The following C17orf67 variants were observed in gnomAD, a reference collection of about 807,000 sequenced individuals.
C17orf67 encodes the protein uncharacterized protein C17orf67.
In C17orf67, 12 loss-of-function variants were observed where a neutral mutation model predicts 11.2. The ratio of observed to expected loss-of-function variants is 1.07; its 90% CI spans 0.68 to 1.73. The LOEUF (loss-of-function observed/expected upper bound fraction) is 1.73. C17orf67 is among the 40% of genes most tolerant of loss of function. C17orf67 has a pLI of 0.00. For missense variants in C17orf67, 115 were observed against 113.5 expected (o/e 1.01, Z -0.06); for synonymous variants, 59 against 46.9 (o/e 1.26, Z -1.05).
chr17:56,824,008 T>C (rs1905966639), intron 4 of C17orf67, among the ~76,000 whole-genome samples: 1 of 152,234 alleles, frequency 6.6e-6, no homozygotes, highest in African/African-American at 2.4e-5. Flanking sequence ...TTGTACTTTA[T>C]CTTAATGACT....
At position 56,833,036 on chromosome 17, in the gene C17orf67, GGT is replaced by G. The variant is rs1167646513; in HGVS notation, c.-697_-696del. 1 of 152,154 alleles carries G rather than the reference GGT, an allele frequency of 6.6e-6. No homozygotes were observed. The highest frequency in any genetic ancestry group is 2.4e-5 in the African/African-American group (1 of 41,392). 9.4% of individuals were successfully genotyped at this position (152,154 alleles called of 1,614,324 possible). On this transcript the variant is annotated 5_prime_UTR_variant, in exon 2 of 8. It introduces an in-frame stop codon into an upstream open reading frame of the 5' UTR. Coordinates refer to ENST00000397861, the MANE Select transcript of C17orf67 (RefSeq NM_001085430.4). ...TTCTGTTCCTTTGGTCCCTTGCTTCGGTGTGTGTTTTCTTTCCATCTTTTATG... is the reference window on the plus strand; with the variant it reads ...TTCTGTTCCTTTGGTCCCTTGCTTCGGTGTGTTTTCTTTCCATCTTTTATG...
intron 1 of C17orf67, 137 bp from the exon 2 acceptor site, chr17:56,833,479 G>A (rs1413120577): frequency 6.6e-6 from 1 of 151,190 alleles, no homozygotes; most frequent in African/African-American, 2.4e-5. Context: ...GCCACGGCAG[G>A]GGGCGGAAAC....
chr17:56,822,235 G>C (rs1038080077), intron 4 of C17orf67, among the ~76,000 whole-genome samples: 6 of 152,330 alleles, frequency 3.9e-5, no homozygotes, highest in Middle Eastern at 3.4e-3. Context: ...CTAATGGGAT[G>C]GTTAGTGTGT....
chr17:56,794,850 T>A (rs1486020407), intron 7 of C17orf67, among the ~76,000 whole-genome samples, 194 bp downstream of exon 7: 1 of 152,020 alleles, frequency 6.6e-6, no homozygotes, highest in Non-Finnish European at 1.5e-5. Flanking sequence ...GCTCCCCCAT[T>A]TGTCCCCCAG....
Position 56,810,275 on chromosome 17 carries a change from C to A in C17orf67, c.156+4594G>T, listed in dbSNP as rs144827518. On this transcript the variant is annotated intron_variant, in intron 6 of 7. Transcript: ENST00000397861. ...ATCGCTCTCCCACACTCCTCATGCA[C>A]CCTCACACACCTTCACATACTCCTC... Among the ~76,000 whole-genome samples the A allele has an allele frequency of 1.6e-3, 242 of 149,670 alleles. 1 individual carries two copies. Among genetic ancestry groups the A allele is most frequent in the Middle Eastern group, 0.011 (3 of 284 alleles).
chr17:56,804,505 C>T (rs750087186), intron 6 of C17orf67, among the ~76,000 whole-genome samples: 6 of 152,214 alleles, frequency 3.9e-5, no homozygotes, highest in Non-Finnish European at 7.3e-5. Context: ...GGGCAATTTA[C>T]ACCTCGGTCA....
chr17:56,831,970 C>T (rs1906216661), intron 2 of C17orf67, among the ~76,000 whole-genome samples: 3 of 151,870 alleles, frequency 2.0e-5, no homozygotes, highest in African/African-American at 2.4e-5. Context: ...TTTTTTGAGA[C>T]GGAGTTTCGC....
intron 4 of C17orf67, among the ~76,000 whole-genome samples, chr17:56,823,470 T>C (rs374417818): frequency 6.6e-6 from 1 of 152,114 alleles, no homozygotes; most frequent in South Asian, 2.1e-4. Flanking sequence ...AACATTAATA[T>C]CCTCTAAGAG....
At chr17:56,813,323 G>A (rs962103117) in intron 6 of C17orf67, among the ~76,000 whole-genome samples, 3 of 127,814 alleles carry the variant, frequency 2.3e-5, no homozygotes, top group African/African-American at 9.2e-5. Flanking sequence ...ATGCCTCCCC[G>A]CCTTGCTCTG....
At chr17:56,793,585 TA>T (rs1905157545) in intron 7 of C17orf67, among the ~76,000 whole-genome samples, 1 of 152,240 alleles carries the variant, frequency 6.6e-6, no homozygotes, top group Non-Finnish European at 1.5e-5. Context: ...CCAGGCTCCC[TA>T]GACATCATTA....
At chr17:56,792,540 GTGATGATGGTGTGGCAGTGA>G (rs1567790081) in intron 7 of C17orf67, among the ~76,000 whole-genome samples, 188 bp from the exon 8 acceptor site, 1 of 141,622 alleles carries the variant, frequency 7.1e-6, no homozygotes, top group African/African-American at 2.6e-5. Context: ...GGTGGTGGTG[GTGATGATGGTGTGGCAGTGA>G]TGGTGATGAT....
At chr17:56,795,874 T>C (rs1905203624) in intron 6 of C17orf67, among the ~76,000 whole-genome samples, 1 of 152,184 alleles carries the variant, frequency 6.6e-6, no homozygotes, top group African/African-American at 2.4e-5. Flanking sequence ...GTCTTAGAAA[T>C]AGCATACTGA....
rs545833879 is a variant in C17orf67 at position 56,819,676 on chromosome 17, G to T, written c.-200-3666C>A. On this transcript the variant is annotated intron_variant, in intron 4 of 7. Transcript: ENST00000397861. ...ATGTTGTCCTAAAAGAAGCGAGAGG[G>T]GGAGGAATATAGAAAGACCGAAAGA... is the stretch of plus-strand genomic sequence containing the variant. Among the ~76,000 whole-genome samples, 23 of 152,254 alleles carry T rather than the reference G, an allele frequency of 1.5e-4. No individual in the cohort carries two copies. In the South Asian group the frequency reaches 4.6e-3, roughly 30 times the overall value.
intron 6 of C17orf67, among the ~76,000 whole-genome samples, chr17:56,799,134 A>C (rs937099253): frequency 1.3e-5 from 2 of 152,204 alleles, no homozygotes; most frequent in African/African-American, 4.8e-5. Flanking sequence ...TTTCAACATG[A>C]GACTTGATGG....
chr17:56,827,906 T>C (rs114314495), intron 2 of C17orf67, among the ~76,000 whole-genome samples: 1 of 152,114 alleles, frequency 6.6e-6, no homozygotes, highest in East Asian at 1.9e-4. Context: ...ATTAGCATCA[T>C]TTAAAAATGT....
intron 6 of C17orf67, among the ~76,000 whole-genome samples, chr17:56,803,609 C>A (rs1319718629): frequency 6.6e-6 from 1 of 152,158 alleles, no homozygotes; most frequent in Non-Finnish European, 1.5e-5. Flanking sequence ...TATAAAGGAG[C>A]AAATGAATAA....
chr17:56,797,164 G>A (rs1905229449), intron 6 of C17orf67, among the ~76,000 whole-genome samples: 1 of 152,208 alleles, frequency 6.6e-6, no homozygotes, highest in Non-Finnish European at 1.5e-5. Context: ...GTTGCCTGAA[G>A]AGACTTTAAT....
rs1905151920 is a variant in C17orf67, at chr17:56,793,268, GC to G, written c.*21-917del. ...AGGCATTTTTTTCTAAGGTTATTCA[GC>G]CAGTGACTGGAGGACTCATTATCTG... is the stretch of plus-strand genomic sequence containing the variant. On this transcript the variant is annotated intron_variant, in intron 7 of 7. Transcript: ENST00000397861. Among the ~76,000 whole-genome samples the G allele has an allele frequency of 6.6e-5, 10 of 152,128 alleles. No individual in the cohort carries two copies. The South Asian group carries it at 2.1e-3, about 32-fold the overall frequency.
intron 7 of C17orf67, among the ~76,000 whole-genome samples, chr17:56,793,278 G>A (rs969755020): frequency 1.2e-4 from 18 of 152,092 alleles, no homozygotes; most frequent in African/African-American, 4.1e-4. Flanking sequence ...GCCAGTGACT[G>A]GAGGACTCAT....
Sources: allele counts gnomAD v4.1 joint callset (sites outside exome capture counted in the v4.1 genomes callset), GRCh38; gene constraint gnomAD v4.1.1; transcripts MANE v1.5; gene names NCBI Gene and HGNC (gene_info 2026-07-23, HGNC 2026-07-21).